Variants in NPFFR1 observed in about 807,000 individuals in gnomAD.
The protein encoded by NPFFR1 is neuropeptide FF receptor 1.
A neutral mutation model predicts 12.7 loss-of-function variants in NPFFR1; 17 were observed. The observed-to-expected ratio is 1.34, with a 90% CI of 0.92 to 2.01. The LOEUF is 2.01. Ranked by LOEUF, NPFFR1 falls within the 30% of genes most tolerant of loss-of-function variation. NPFFR1 has a pLI of 0.00. For missense variants in NPFFR1, 604 were observed against 606.5 expected (o/e 1.00, Z 0.04); for synonymous variants, 296 against 264.5 (o/e 1.12, Z -1.16).
intron 1 of NPFFR1, among the ~76,000 whole-genome samples, chr10:70,272,064 C>T (rs58570584): frequency 0.085 from 12,810 of 150,664 alleles, 616 homozygotes; most frequent in Middle Eastern, 0.17. Flanking sequence ...TTGCAATGAG[C>T]TGAGATCGTG....
intron 1 of NPFFR1, among the ~76,000 whole-genome samples, chr10:70,271,852 C>T (rs1307661431): frequency 2.0e-5 from 3 of 152,076 alleles, no homozygotes; most frequent in Non-Finnish European, 2.9e-5. Context: ...CGCGGTGGCT[C>T]ACACCTGTAA....
chr10:70,283,553 G>A (rs1421626396), intron 1 of NPFFR1, 117 bp downstream of exon 1: 1 of 1,020,014 alleles, frequency 9.8e-7, no homozygotes, highest in Non-Finnish European at 1.5e-6. Context: ...GTGTCACAAC[G>A]TCTGGCTCTG....
chr10:70,267,899 G>C (rs928815903), intron 1 of NPFFR1, among the ~76,000 whole-genome samples: 2 of 152,138 alleles, frequency 1.3e-5, no homozygotes, highest in Non-Finnish European at 2.9e-5. Flanking sequence ...GGACTGCGGC[G>C]GGAGGCGGAC....
chr10:70,274,614 C>G (rs1392869153), intron 1 of NPFFR1, among the ~76,000 whole-genome samples: 1 of 152,202 alleles, frequency 6.6e-6, no homozygotes, highest in Non-Finnish European at 1.5e-5. Flanking sequence ...AGCCCCCATG[C>G]CACCTCTTGG....
At chr10:70,272,761 T>C (rs1840763506) in intron 1 of NPFFR1, among the ~76,000 whole-genome samples, 1 of 152,192 alleles carries the variant, frequency 6.6e-6, no homozygotes, top group African/African-American at 2.4e-5. Flanking sequence ...GAGGCACATC[T>C]GTCCAGAGCC....
chr10:70,252,962 T>G lies in NPFFR1; in HGVS notation c.*1995A>C, dbSNP rs796899327. ...AGCCATAGGGATAGGCATTTTGGGT[T>G]TGAGACGGCCCTTTCTCTGGCTTAC... On this transcript the variant is annotated 3_prime_UTR_variant, in exon 4 of 4. Coordinates refer to ENST00000277942, the MANE Select transcript of NPFFR1 (RefSeq NM_022146.5). The G allele has an allele frequency of 2.0e-5, 3 of 152,296 alleles. No individual in the cohort carries two copies. The highest frequency in any genetic ancestry group is 7.2e-5 in the African/African-American group (3 of 41,558). 9.4% of individuals were successfully genotyped at this position (152,296 alleles called of 1,614,324 possible). A position where few individuals can be genotyped will look rare whatever the true frequency, so the allele number is the denominator to read the frequency against.
chr10:70,267,734 T>C (rs1001087359), intron 1 of NPFFR1, among the ~76,000 whole-genome samples: 4 of 152,212 alleles, frequency 2.6e-5, no homozygotes, highest in Non-Finnish European at 5.9e-5. Flanking sequence ...AATCTTTCTG[T>C]CACACCGAGA....
At position 70,248,769 on chromosome 10, in the gene NPFFR1, AG is replaced by A. The variant is rs1183578384; in HGVS notation, c.*6187del. The A allele has an allele frequency of 6.6e-6, 1 of 151,554 alleles. No individual in the cohort carries two copies. The highest frequency in any genetic ancestry group is 1.5e-5 in the Non-Finnish European group (1 of 67,870). 9.4% of individuals were successfully genotyped at this position (151,554 alleles called of 1,614,324 possible). On this transcript the variant is annotated 3_prime_UTR_variant, in exon 4 of 4. Coordinates refer to ENST00000277942, the MANE Select transcript of NPFFR1 (RefSeq NM_022146.5). Reference sequence around the variant, plus strand: ...CCAAAGTGCTGGGATTACAGGCATGAGCCCCCATGCCTGGCCTATGCCTGGC... The same window carrying A: ...CCAAAGTGCTGGGATTACAGGCATGACCCCCATGCCTGGCCTATGCCTGGC...
At chr10:70,280,081 G>A (rs1010588419) in intron 1 of NPFFR1, among the ~76,000 whole-genome samples, 1 of 152,226 alleles carries the variant, frequency 6.6e-6, no homozygotes, top group African/African-American at 2.4e-5. Context: ...AGGCTGAATA[G>A]TATTCCATTG....
intron 1 of NPFFR1, among the ~76,000 whole-genome samples, chr10:70,281,630 G>A (rs1459059351): frequency 1.3e-5 from 2 of 152,076 alleles, no homozygotes; most frequent in Non-Finnish European, 2.9e-5. Flanking sequence ...GCATAAAGGG[G>A]ATCACACTAC....
Position 70,250,619 on chromosome 10 carries a change from C to G in NPFFR1, c.*4338G>C, listed in dbSNP as rs1840500979. On this transcript the variant is annotated 3_prime_UTR_variant, in exon 4 of 4. Transcript: ENST00000277942. The stretch of plus-strand genomic sequence containing the variant: ...CAGCATGAATGAATCTTGCAAACAT[C>G]ATTTTAAGTGAAAGAAACCAGACTC... The G allele has an allele frequency of 6.6e-6, 1 of 152,198 alleles. No individual in the cohort carries two copies. The highest frequency in any genetic ancestry group is 2.4e-5 in the African/African-American group (1 of 41,450). The allele number at this position is 152,198 out of a possible 1,614,324, so 9.4% of individuals were successfully genotyped here.
chr10:70,255,393 A>G lies in NPFFR1; in HGVS notation c.857T>C (p.Leu286Pro). Reference sequence around the variant, plus strand: ...GTCGATGAGCAGCAGCAGCGCCCAGAGCGGCAGCCAGGACAGCGTGAAGAA... The same window carrying G: ...GTCGATGAGCAGCAGCAGCGCCCAGGGCGGCAGCCAGGACAGCGTGAAGAA... ...ALFFTLSWLPLWALLLLIDYG... is the reference protein window; with the variant it reads ...ALFFTLSWLPPWALLLLIDYG... The change falls in exon 4 of 4, where the codon CTC (leucine) becomes CCC (proline). Residue 286 changes from leucine to proline, a missense_variant. Coordinates refer to ENST00000277942, the MANE Select transcript of NPFFR1 (RefSeq NM_022146.5). The surrounding 1 kb of genome is among the most constrained non-coding windows in gnomAD (Gnocchi z 4.2). 2 of 1,547,140 alleles carry G rather than the reference A, an allele frequency of 1.3e-6. No individual in the cohort carries two copies. The highest frequency in any genetic ancestry group is 1.7e-6 in the Non-Finnish European group (2 of 1,148,476).
At chr10:70,277,838 G>T in intron 1 of NPFFR1, 1 of 463,656 alleles carries the variant, frequency 2.2e-6, no homozygotes, top group South Asian at 1.5e-5. Context: ...CACAGTTAAG[G>T]CCCAGAGGGG....
intron 1 of NPFFR1, among the ~76,000 whole-genome samples, chr10:70,282,871 C>T (rs1589918025): frequency 6.6e-6 from 1 of 152,230 alleles, no homozygotes; most frequent in East Asian, 1.9e-4. Flanking sequence ...AGCCTTATGC[C>T]TTGGTCCGCT....
intron 1 of NPFFR1, 58 bp from the exon 2 acceptor site, chr10:70,266,449 C>G: frequency 5.8e-6 from 8 of 1,384,288 alleles, no homozygotes; most frequent in Non-Finnish European, 6.9e-6. Flanking sequence ...TTACCGATTT[C>G]TCACCACTAA....
rs1840473243 is a variant in NPFFR1 at position 70,248,467 on chromosome 10, G to GGT, written c.*6489_*6490insAC. The GGT allele has an allele frequency of 2.1e-5, 2 of 96,744 alleles. No homozygotes were observed. Among genetic ancestry groups the GGT allele is most frequent in the African/African-American group, 4.0e-5 (1 of 24,728 alleles). The allele number at this position is 96,744 out of a possible 1,614,324, so 6.0% of individuals were successfully genotyped here. On this transcript the variant is annotated 3_prime_UTR_variant, in exon 4 of 4. Coordinates refer to ENST00000277942, the MANE Select transcript of NPFFR1 (RefSeq NM_022146.5). The stretch of plus-strand genomic sequence containing the variant: ...CAAAGTACGTAGTACTATGCCTGGC[G>GGT]TTTTTTTTTTGTTTTTTGTTTTTTT...
At chr10:70,261,921 C>T (rs902162527) in intron 2 of NPFFR1, among the ~76,000 whole-genome samples, 2 of 152,156 alleles carry the variant, frequency 1.3e-5, no homozygotes, top group African/African-American at 4.8e-5. Flanking sequence ...GCTGGAACCA[C>T]AGGCATGTGG....
At chr10:70,270,064 T>A (rs1277723732) in intron 1 of NPFFR1, among the ~76,000 whole-genome samples, 1 of 152,252 alleles carries the variant, frequency 6.6e-6, no homozygotes, top group Non-Finnish European at 1.5e-5. Context: ...AGGTTGATTG[T>A]CTTTTTCCCC....
chr10:70,261,075 G>A (rs1017236412), intron 2 of NPFFR1, among the ~76,000 whole-genome samples: 1 of 152,030 alleles, frequency 6.6e-6, no homozygotes, highest in African/African-American at 2.4e-5. Flanking sequence ...ATGGTGATAT[G>A]GTTTGGCTGT....
Sources: allele counts gnomAD v4.1 joint callset (sites outside exome capture counted in the v4.1 genomes callset), GRCh38; gene constraint gnomAD v4.1.1; non-coding constraint Gnocchi (gnomAD v3.1); transcripts MANE v1.5; gene names NCBI Gene and HGNC (gene_info 2026-07-23, HGNC 2026-07-21).